DESI2: variants seen among roughly 807,000 people sequenced by gnomAD.
The protein encoded by DESI2 is deubiquitinase DESI2.
DESI2 carries 10 observed loss-of-function variants against 24.1 expected under a neutral mutation model. The ratio of observed to expected loss-of-function variants is 0.41; its 90% CI spans 0.26 to 0.70. The LOEUF (loss-of-function observed/expected upper bound fraction) is 0.70, where lower values mean the gene tolerates loss of function less well. Among genes scored for constraint, DESI2 ranks in the 30% least tolerant of loss-of-function variants. The pLI, the probability that DESI2 is intolerant of heterozygous loss-of-function variation, is 0.29. For missense variants in DESI2, 122 were observed against 234.9 expected (o/e 0.52, Z 3.14); for synonymous variants, 71 against 87.7 (o/e 0.81, Z 1.06).
rs573675532 is a variant in DESI2, at chr1:244,680,502, T to C, written c.43-6095T>C. Reference sequence around the variant, plus strand: ...TCCAGACTTACCTGATTTTTCCTTATGGTTGTCTTCTGGTTTAACACATTT... The same window carrying C: ...TCCAGACTTACCTGATTTTTCCTTACGGTTGTCTTCTGGTTTAACACATTT... On this transcript the variant is annotated intron_variant, in intron 1 of 4. Coordinates refer to ENST00000302550, the MANE Select transcript of DESI2 (RefSeq NM_016076.5). Among the ~76,000 whole-genome samples the C allele has an allele frequency of 2.6e-5, 4 of 152,230 alleles. No homozygotes were observed. In the South Asian group the frequency reaches 8.3e-4, roughly 32 times the overall value.
At chr1:244,653,666 C>A (rs45437297) in intron 1 of DESI2, 11,683 of 478,294 alleles carry the variant, frequency 0.024, 201 homozygotes, top group Non-Finnish European at 0.031. Context: ...AGTGTCCTTT[C>A]GGCAAAGCTT....
chr1:244,685,037 G>A (rs557895535), intron 1 of DESI2, among the ~76,000 whole-genome samples: 378 of 152,188 alleles, frequency 2.5e-3, no homozygotes, highest in African/African-American at 8.1e-3. Flanking sequence ...AAAAAATTCC[G>A]ATCAAGAGGG....
chr1:244,692,100 C>A, intron 4 of DESI2, 80 bp downstream of exon 4: 1 of 1,224,064 alleles, frequency 8.2e-7, no homozygotes. Flanking sequence ...TATATTCGAT[C>A]TTGATTCACT....
intron 1 of DESI2, among the ~76,000 whole-genome samples, chr1:244,669,584 A>T (rs1573190403): frequency 6.6e-6 from 1 of 152,048 alleles, no homozygotes; most frequent in South Asian, 2.1e-4. Flanking sequence ...AGGCTGAGGC[A>T]GGAGAATTGC....
At chr1:244,703,641 A>G (rs1303625949) in intron 4 of DESI2, among the ~76,000 whole-genome samples, 1 of 147,910 alleles carries the variant, frequency 6.8e-6, no homozygotes, top group African/African-American at 2.5e-5. Flanking sequence ...ATGAGCCACC[A>G]TGCCTGGCCT....
In DESI2 at chr1:244,706,215, T is replaced by G. The variant is rs928517175; in HGVS notation, c.*426T>G. 1 of 181,510 alleles carries G rather than the reference T, an allele frequency of 5.5e-6. No individual in the cohort carries two copies. The highest frequency in any genetic ancestry group is 2.4e-5 in the African/African-American group (1 of 41,728). 11.2% of individuals were successfully genotyped at this position (181,510 alleles called of 1,614,324 possible). A position where few individuals can be genotyped will look rare whatever the true frequency, so the allele number is the denominator to read the frequency against. On this transcript the variant is annotated 3_prime_UTR_variant, in exon 5 of 5. Coordinates refer to ENST00000302550, the MANE Select transcript of DESI2 (RefSeq NM_016076.5). ...TGGCATAAATAGGCACACAAAAAGGTACTTAAACAGTTATAGTCACCATCA... is the reference window on the plus strand; with the variant it reads ...TGGCATAAATAGGCACACAAAAAGGGACTTAAACAGTTATAGTCACCATCA...
intron 1 of DESI2, among the ~76,000 whole-genome samples, chr1:244,658,338 A>G (rs1303949155): frequency 3.3e-5 from 5 of 152,214 alleles, no homozygotes; most frequent in African/African-American, 1.2e-4. Flanking sequence ...AACAGGCTAT[A>G]TCACATCCCC....
At chr1:244,658,402 TC>T (rs1241836940) in intron 1 of DESI2, among the ~76,000 whole-genome samples, 2 of 152,206 alleles carry the variant, frequency 1.3e-5, no homozygotes, top group Non-Finnish European at 2.9e-5. Flanking sequence ...CCAGCATTGA[TC>T]ACCTGCAACC....
intron 1 of DESI2, among the ~76,000 whole-genome samples, chr1:244,663,307 G>T (rs1310253510): frequency 1.3e-5 from 2 of 151,864 alleles, no homozygotes; most frequent in Non-Finnish European, 2.9e-5. Context: ...CTTCTGAGTA[G>T]CTGGGACTAC....
At chr1:244,700,779 T>C (rs1677419431) in intron 4 of DESI2, among the ~76,000 whole-genome samples, 1 of 152,200 alleles carries the variant, frequency 6.6e-6, no homozygotes, top group African/African-American at 2.4e-5. Context: ...ACAAGAAACA[T>C]AATTGCTCAT....
intron 4 of DESI2, among the ~76,000 whole-genome samples, chr1:244,699,293 A>T (rs940651155): frequency 6.6e-6 from 1 of 152,124 alleles, no homozygotes; most frequent in Admixed American, 6.5e-5. Flanking sequence ...TTATATAAAA[A>T]TATTTTCTGG....
intron 4 of DESI2, 65 bp downstream of exon 4, chr1:244,692,085 C>A: frequency 7.5e-7 from 1 of 1,329,852 alleles, no homozygotes; most frequent in Non-Finnish European, 1.0e-6. Flanking sequence ...TACTTGATAT[C>A]CCACTATATT....
chr1:244,664,409 A>G (rs570166044), intron 1 of DESI2, among the ~76,000 whole-genome samples: 4 of 152,338 alleles, frequency 2.6e-5, no homozygotes, highest in African/African-American at 9.6e-5. Flanking sequence ...CGAAGACGTA[A>G]TCCATATGGT....
chr1:244,702,922 C>G (rs1263734819), intron 4 of DESI2, among the ~76,000 whole-genome samples: 1 of 151,492 alleles, frequency 6.6e-6, no homozygotes, highest in Non-Finnish European at 1.5e-5. Flanking sequence ...TCATGACTTA[C>G]ATGATTAACC....
At chr1:244,674,736 C>T (rs1676359926) in intron 1 of DESI2, among the ~76,000 whole-genome samples, 1 of 152,142 alleles carries the variant, frequency 6.6e-6, no homozygotes, top group Admixed American at 6.5e-5. Context: ...ATGGATAATA[C>T]CACATTTTAT....
At position 244,705,600 on chromosome 1, in the gene DESI2, C is replaced by T; in HGVS notation, c.396C>T (p.Ala132=). The change falls in exon 5 of 5, where the codon GCC becomes GCT. Residue 132 remains alanine (A), a synonymous_variant. Coordinates refer to ENST00000302550, the MANE Select transcript of DESI2 (RefSeq NM_016076.5). ...KEIPRWINRL[A]YFSSCIPFLQ... is the part of the protein sequence containing the mutation. Reference sequence around the variant, plus strand: ...TTCCTCGCTGGATCAATCGACTTGCCTACTTCAGCTCCTGTATACCCTTTC... The same window carrying T: ...TTCCTCGCTGGATCAATCGACTTGCTTACTTCAGCTCCTGTATACCCTTTC... 6.2e-7 allele frequency: 1 copy of T among 1,614,184 alleles called. No homozygotes were observed. Among genetic ancestry groups the T allele is most frequent in the Non-Finnish European group, 8.5e-7 (1 of 1,180,028 alleles).
chr1:244,686,776 A>G (rs1676840369), intron 2 of DESI2, 107 bp downstream of exon 2: 3 of 653,152 alleles, frequency 4.6e-6, no homozygotes, highest in Non-Finnish European at 7.9e-6. Flanking sequence ...TGCATATGTT[A>G]TTACAGAAAG....
intron 4 of DESI2, among the ~76,000 whole-genome samples, chr1:244,695,941 T>G (rs922582414): frequency 1.3e-5 from 2 of 152,076 alleles, no homozygotes; most frequent in African/African-American, 2.4e-5. Flanking sequence ...GTACAGCTTT[T>G]GTATTTTTTG....
Position 244,707,461 on chromosome 1 carries a change from T to C in DESI2, c.*1672T>C, listed in dbSNP as rs1573243199. 1 of 152,768 alleles carries C rather than the reference T, an allele frequency of 6.5e-6. No individual in the cohort carries two copies. Among genetic ancestry groups the C allele is most frequent in the Non-Finnish European group, 1.5e-5 (1 of 68,036 alleles). The allele number at this position is 152,768 out of a possible 1,614,324, so 9.5% of individuals were successfully genotyped here. A position where few individuals can be genotyped will look rare whatever the true frequency, so the allele number is the denominator to read the frequency against. ...TCTCAGTTCTTTAGGGGCAGAAGGC[T>C]TGTTTCAAGAGGTTTGACAGAAGAA... is the stretch of plus-strand genomic sequence containing the variant. On this transcript the variant is annotated 3_prime_UTR_variant, in exon 5 of 5. Coordinates refer to ENST00000302550, the MANE Select transcript of DESI2 (RefSeq NM_016076.5).
Sources: gnomAD v4.1 joint callset for allele counts (sites outside exome capture counted in the v4.1 genomes callset) on GRCh38, gnomAD v4.1.1 for gene constraint, MANE v1.5 for transcripts, NCBI Gene and HGNC (gene_info 2026-07-23, HGNC 2026-07-21) for gene names.